The following EPS15L1 variants were observed in gnomAD, a reference collection of about 807,000 sequenced individuals.
EPS15L1 encodes the protein epidermal growth factor receptor pathway substrate 15 like 1, also known as epidermal growth factor receptor substrate 15-like 1.
In EPS15L1, 43 loss-of-function variants were observed where a neutral mutation model predicts 117.1. The ratio of observed to expected loss-of-function variants is 0.37; its 90% CI spans 0.29 to 0.47. The LOEUF (loss-of-function observed/expected upper bound fraction) is 0.47. EPS15L1 is among the 20% of genes least tolerant of loss of function. The pLI is 0.99. For synonymous variants in EPS15L1, 459 were observed against 470.5 expected (o/e 0.98, Z 0.32); for missense variants, 981 against 1,164.0 (o/e 0.84, Z 2.29).
intron 4 of EPS15L1, among the ~76,000 whole-genome samples, chr19:16,440,115 C>T (rs2093016420): frequency 6.7e-6 from 1 of 149,962 alleles, no homozygotes. Context: ...CAAAGTTACA[C>T]CAATGTCTAC....
intron 1 of EPS15L1, among the ~76,000 whole-genome samples, chr19:16,468,995 G>C (rs2093326471): frequency 6.6e-6 from 1 of 152,180 alleles, no homozygotes; most frequent in Non-Finnish European, 1.5e-5. Flanking sequence ...ACTCCAGCCT[G>C]GGGGACAGAG....
chr19:16,395,127 G>A (rs1242154955), intron 17 of EPS15L1, among the ~76,000 whole-genome samples: 3 of 151,470 alleles, frequency 2.0e-5, no homozygotes, highest in African/African-American at 7.3e-5. Context: ...CCCAGGAGGC[G>A]GAGGTTGCAG....
At chr19:16,378,207 TA>T (rs2092319844) in intron 21 of EPS15L1, among the ~76,000 whole-genome samples, 1 of 151,686 alleles carries the variant, frequency 6.6e-6, no homozygotes, top group Non-Finnish European at 1.5e-5. Flanking sequence ...TGCAGGTAGG[TA>T]GGTAGGTAGG....
intron 16 of EPS15L1, chr19:16,400,776 C>T (rs1485880627): frequency 6.9e-5 from 68 of 985,220 alleles, no homozygotes; most frequent in Non-Finnish European, 8.1e-5. Flanking sequence ...AAAAGATGAA[C>T]AAAAATAACC....
chr19:16,373,356 C>T (rs891658094), intron 22 of EPS15L1, among the ~76,000 whole-genome samples: 2 of 151,974 alleles, frequency 1.3e-5, no homozygotes, highest in Non-Finnish European at 1.5e-5. Flanking sequence ...GTGTGCTGGC[C>T]GTGTGGTCTC....
chr19:16,406,230 G>C (rs1372683399), intron 13 of EPS15L1, among the ~76,000 whole-genome samples: 1 of 152,168 alleles, frequency 6.6e-6, no homozygotes, highest in East Asian at 1.9e-4. Context: ...TCATGCCTCA[G>C]GAAGCTGGGG....
intron 9 of EPS15L1, among the ~76,000 whole-genome samples, chr19:16,424,079 G>C (rs1478683202): frequency 1.3e-5 from 2 of 152,212 alleles, no homozygotes; most frequent in Non-Finnish European, 2.9e-5. Flanking sequence ...TGGGCTTTAA[G>C]GCCGGCTCAG....
chr19:16,407,707 C>G (rs985164459), intron 13 of EPS15L1, among the ~76,000 whole-genome samples: 2 of 152,072 alleles, frequency 1.3e-5, no homozygotes, highest in Non-Finnish European at 2.9e-5. Context: ...TTGTTTAAAC[C>G]TTGCTGGGTA....
chr19:16,412,873 T>A, intron 13 of EPS15L1: 1 of 592,214 alleles, frequency 1.7e-6, no homozygotes. Context: ...GGATAAGGAG[T>A]GGATGCCCAT....
At chr19:16,398,540 C>A (rs2092563952) in intron 16 of EPS15L1, among the ~76,000 whole-genome samples, 1 of 152,198 alleles carries the variant, frequency 6.6e-6, no homozygotes, top group Non-Finnish European at 1.5e-5. Flanking sequence ...GCCTTTCACA[C>A]TGCCCCATGG....
At chr19:16,401,272 G>A (rs1168199281) in intron 16 of EPS15L1, 3 of 985,326 alleles carry the variant, frequency 3.0e-6, no homozygotes, top group African/African-American at 3.5e-5. Context: ...CAGGGGACGC[G>A]TGTGCTTCCC....
chr19:16,412,462 T>C (rs1239372906), intron 13 of EPS15L1, among the ~76,000 whole-genome samples: 1 of 151,566 alleles, frequency 6.6e-6, no homozygotes, highest in Non-Finnish European at 1.5e-5. Context: ...ATCGTGCCAC[T>C]GCACTCCAGC....
At chr19:16,453,013 G>A (rs1018911366) in intron 1 of EPS15L1, among the ~76,000 whole-genome samples, 1 of 151,986 alleles carries the variant, frequency 6.6e-6, no homozygotes, top group Non-Finnish European at 1.5e-5. Flanking sequence ...TGTTAGTCAG[G>A]ATGGCCTCGA....
At chr19:16,375,341 T>C (rs866958772) in intron 22 of EPS15L1, among the ~76,000 whole-genome samples, 1 of 151,976 alleles carries the variant, frequency 6.6e-6, no homozygotes, top group East Asian at 1.9e-4. Context: ...GTACACAGGG[T>C]ACACATGTGC....
At chr19:16,430,502 C>A (rs188539822) in intron 7 of EPS15L1, among the ~76,000 whole-genome samples, 2 of 152,344 alleles carry the variant, frequency 1.3e-5, no homozygotes, top group Non-Finnish European at 2.9e-5. Flanking sequence ...CAGTCCTTAA[C>A]AGGAGGGCTG....
At chr19:16,462,149 T>C (rs905837903) in intron 1 of EPS15L1, among the ~76,000 whole-genome samples, 5 of 152,170 alleles carry the variant, frequency 3.3e-5, no homozygotes, top group Non-Finnish European at 7.3e-5. Context: ...TTTACCTCTC[T>C]CCCTCTCAGT....
intron 22 of EPS15L1, among the ~76,000 whole-genome samples, chr19:16,367,912 G>A (rs1234274426): frequency 6.6e-6 from 1 of 151,992 alleles, no homozygotes; most frequent in Non-Finnish European, 1.5e-5. Context: ...AAAAGGTTCA[G>A]GTGAGGTATG....
At chr19:16,362,321 A>G (rs1434988149) in intron 22 of EPS15L1, among the ~76,000 whole-genome samples, 2 of 151,850 alleles carry the variant, frequency 1.3e-5, no homozygotes, top group Non-Finnish European at 2.9e-5. Flanking sequence ...ATTTATTAAC[A>G]TACTAATTTA....
chr19:16,437,186 C>T (rs192445951), intron 5 of EPS15L1, 187 bp from the exon 6 acceptor site: 290 of 582,316 alleles, frequency 5.0e-4, no homozygotes, highest in African/African-American at 4.8e-3. Flanking sequence ...GAATTAAAAA[C>T]GGATGTCCAA....
Sources: allele counts gnomAD v4.1 joint callset (sites outside exome capture counted in the v4.1 genomes callset), GRCh38; gene constraint gnomAD v4.1.1; transcripts MANE v1.5; gene names NCBI Gene and HGNC (gene_info 2026-07-23, HGNC 2026-07-21).